Variants in C12orf42 observed in about 807,000 individuals in gnomAD.
The protein encoded by C12orf42 is chromosome 12 open reading frame 42, also known as uncharacterized protein C12orf42.
A neutral mutation model predicts 21.6 loss-of-function variants in C12orf42; 25 were observed. The ratio of observed to expected loss-of-function variants is 1.16; its 90% confidence interval spans 0.84 to 1.62. C12orf42 has a LOEUF of 1.62. Among genes scored for constraint, C12orf42 ranks in the 40% most tolerant of loss-of-function variants. The pLI is 0.00. For synonymous variants in C12orf42, 174 were observed against 175.0 expected, an observed-to-expected ratio of 0.99 and a Z score of 0.05; for missense variants, 483 against 459.3, an observed-to-expected ratio of 1.05 and a Z score of -0.47.
intron 3 of C12orf42, among the ~76,000 whole-genome samples, chr12:103,383,679 C>A (rs1361860100): frequency 2.6e-5 from 4 of 152,146 alleles, no homozygotes; most frequent in Admixed American, 2.0e-4. Context: ...GGGAGTATGG[C>A]AATAAACCAT....
chr12:103,275,267 TAAA>T (rs529832119), intron 5 of C12orf42, among the ~76,000 whole-genome samples: 5 of 152,130 alleles, frequency 3.3e-5, no homozygotes, highest in Non-Finnish European at 7.4e-5. Flanking sequence ...ATAGAATTAG[TAAA>T]AAATTGTATA....
the C12orf42 span, among the ~76,000 whole-genome samples, chr12:103,502,764 C>A: frequency 1.3e-5 from 2 of 152,178 alleles, no homozygotes; most frequent in Middle Eastern, 3.2e-3. Context: ...GCCAATCTTT[C>A]CTTTTATTAA....
intron 4 of C12orf42, among the ~76,000 whole-genome samples, chr12:103,345,083 A>G (rs781626217): frequency 6.6e-5 from 10 of 152,202 alleles, no homozygotes; most frequent in Non-Finnish European, 1.5e-4. Context: ...CAGTCACCTG[A>G]CTTGCCCCTT....
chr12:103,090,206 C>G, the C12orf42 span, among the ~76,000 whole-genome samples: 1 of 152,140 alleles, frequency 6.6e-6, no homozygotes, highest in African/African-American at 2.4e-5. Flanking sequence ...TAGTATCAGC[C>G]ACAGCATGAT....
At chr12:103,237,469 A>G (rs2033506530), downstream of C12orf42, 1 of 152,328 alleles carries the variant, frequency 6.6e-6, no homozygotes, top group East Asian at 1.9e-4. Context: ...TATTTGTAAA[A>G]TAGACATAAT....
chr12:103,103,099 G>C, the C12orf42 span, among the ~76,000 whole-genome samples: 1 of 152,076 alleles, frequency 6.6e-6, no homozygotes, highest in African/African-American at 2.4e-5. Flanking sequence ...ATCTAACTAA[G>C]CACAAGAGTG....
At chr12:103,192,918 C>A in the C12orf42 span, among the ~76,000 whole-genome samples, 2 of 152,104 alleles carry the variant, frequency 1.3e-5, no homozygotes, top group Non-Finnish European at 2.9e-5. Context: ...CAGAACATTC[C>A]ACTCAACAGC....
the C12orf42 span, among the ~76,000 whole-genome samples, chr12:103,231,501 G>C: frequency 1.3e-5 from 2 of 152,148 alleles, no homozygotes; most frequent in Admixed American, 6.5e-5. Context: ...ATTGATTGCT[G>C]TCTATGAAAA....
At chr12:103,315,663 A>G (rs1030748619) in intron 4 of C12orf42, among the ~76,000 whole-genome samples, 14 of 152,210 alleles carry the variant, frequency 9.2e-5, no homozygotes, top group Admixed American at 7.9e-4. Flanking sequence ...ATTATGGTTA[A>G]GAACTTCCTA....
the C12orf42 span, among the ~76,000 whole-genome samples, chr12:103,152,442 T>C: frequency 1.4e-4 from 21 of 152,168 alleles, no homozygotes; most frequent in African/African-American, 4.8e-4. Flanking sequence ...GCATTTTCAC[T>C]ATTTCCACTC....
intron 1 of C12orf42, among the ~76,000 whole-genome samples, chr12:103,487,344 TTACA>T (rs1485416165): frequency 1.3e-5 from 2 of 152,242 alleles, no homozygotes; most frequent in East Asian, 3.9e-4. Context: ...TTCTGTTCTT[TTACA>T]TTTGCTGAGG....
chr12:103,326,037 A>C (rs941206625), intron 4 of C12orf42, among the ~76,000 whole-genome samples: 9 of 152,234 alleles, frequency 5.9e-5, no homozygotes, highest in African/African-American at 1.7e-4. Context: ...GGAATAGTTC[A>C]AACTATTTTA....
chr12:103,117,323 T>C, the C12orf42 span, among the ~76,000 whole-genome samples: 2 of 152,222 alleles, frequency 1.3e-5, no homozygotes, highest in African/African-American at 4.8e-5. Flanking sequence ...GTTTCTGGCT[T>C]ATTTTGTTTA....
At chr12:103,171,967 T>A in the C12orf42 span, among the ~76,000 whole-genome samples, 1 of 152,112 alleles carries the variant, frequency 6.6e-6, no homozygotes, top group Non-Finnish European at 1.5e-5. Flanking sequence ...TGTTGAGCAC[T>A]GTAGGAACTT....
chr12:103,555,415 A>C, the C12orf42 span, among the ~76,000 whole-genome samples: 4 of 152,090 alleles, frequency 2.6e-5, no homozygotes, highest in African/African-American at 9.7e-5. Context: ...TGCCCCCATG[A>C]TTCAATTACC....
At chr12:103,222,440 T>C in the C12orf42 span, among the ~76,000 whole-genome samples, 1 of 152,114 alleles carries the variant, frequency 6.6e-6, no homozygotes, top group South Asian at 2.1e-4. Flanking sequence ...TAGTGGAATG[T>C]CATCAGTTAA....
At chr12:103,280,372 C>CT (rs2036032244) in intron 4 of C12orf42, among the ~76,000 whole-genome samples, 1 of 152,142 alleles carries the variant, frequency 6.6e-6, no homozygotes, top group Admixed American at 6.5e-5. Flanking sequence ...AATCTCAGCA[C>CT]TTTGGGAGGC....
At chr12:103,350,362 T>C (rs1333851903) in intron 4 of C12orf42, among the ~76,000 whole-genome samples, 1 of 152,186 alleles carries the variant, frequency 6.6e-6, no homozygotes, top group Non-Finnish European at 1.5e-5. Context: ...ACCTGCCCAC[T>C]AGCCACTTCC....
the C12orf42 span, among the ~76,000 whole-genome samples, chr12:103,069,428 C>T: frequency 6.6e-6 from 1 of 152,032 alleles, no homozygotes; most frequent in East Asian, 1.9e-4. Context: ...CATAGCTTAG[C>T]CTAGTCTACC....
Sources: gnomAD v4.1 joint callset for allele counts (sites outside exome capture counted in the v4.1 genomes callset) on GRCh38, gnomAD v4.1.1 for gene constraint, MANE v1.5 for transcripts, NCBI Gene and HGNC (gene_info 2026-07-23, HGNC 2026-07-21) for gene names.